The following SPATA31H1 variants were observed in gnomAD, a reference collection of about 807,000 sequenced individuals.
The protein encoded by SPATA31H1 is spermatogenesis-associated protein 31H1.
the SPATA31H1 span, among the ~76,000 whole-genome samples, chr2:27,562,360 A>T: frequency 1.3e-5 from 2 of 151,032 alleles, no homozygotes; most frequent in Non-Finnish European, 3.0e-5. Context: ...TACAAAAAAT[A>T]AAAAAAAATT....
chr2:27,559,726 C>G, the SPATA31H1 span, among the ~76,000 whole-genome samples: 44 of 152,094 alleles, frequency 2.9e-4, no homozygotes, highest in Non-Finnish European at 4.7e-4. Flanking sequence ...TTTATCAATG[C>G]TAGTAAGCCC....
At chr2:27,554,231 T>C in the SPATA31H1 span, among the ~76,000 whole-genome samples, 1 of 152,044 alleles carries the variant, frequency 6.6e-6, no homozygotes, top group African/African-American at 2.4e-5. Flanking sequence ...TCACCCTTAA[T>C]AGTTCATTTA....
the SPATA31H1 span, chr2:27,567,099 T>A: frequency 2.8e-6 from 2 of 710,974 alleles, no homozygotes; most frequent in East Asian, 5.4e-5. Context: ...ACCTCAGAGC[T>A]CTTTTATCAA....
chr2:27,582,240 G>A, the SPATA31H1 span: 19 of 1,613,868 alleles, frequency 1.2e-5, no homozygotes, highest in African/African-American at 2.7e-5. Context: ...CAGTCCCTCC[G>A]GGATGAGGCA....
chr2:27,580,097 A>T, the SPATA31H1 span: 3 of 1,614,192 alleles, frequency 1.9e-6, no homozygotes, highest in Non-Finnish European at 2.5e-6. Context: ...TTGGGAAAAG[A>T]TCCCAAATCT....
the SPATA31H1 span, chr2:27,580,000 ATCT>A: frequency 1.9e-6 from 3 of 1,614,160 alleles, no homozygotes; most frequent in Admixed American, 3.3e-5. Context: ...TCGGGGCCTT[ATCT>A]TCTTATCTAT....
At chr2:27,569,343 A>G in the SPATA31H1 span, 1 of 398,958 alleles carries the variant, frequency 2.5e-6, no homozygotes, top group South Asian at 1.3e-4. Flanking sequence ...GTCAGAATAT[A>G]AAGAAACTGT....
chr2:27,540,537 CA>C, the SPATA31H1 span, among the ~76,000 whole-genome samples: 2 of 137,476 alleles, frequency 1.5e-5, no homozygotes, highest in South Asian at 5.0e-4. Context: ...ACCCCCCCCC[CA>C]CCTCCCTCCC....
At chr2:27,559,285 T>C in the SPATA31H1 span, among the ~76,000 whole-genome samples, 5 of 152,200 alleles carry the variant, frequency 3.3e-5, no homozygotes, top group Non-Finnish European at 5.9e-5. Context: ...CCTGGTTTAT[T>C]TCAGGTTTAT....
the SPATA31H1 span, chr2:27,576,996 C>G: frequency 1.9e-6 from 3 of 1,614,050 alleles, no homozygotes; most frequent in South Asian, 3.3e-5. Context: ...GCCAAAGTAT[C>G]AAATCCCTAA....
chr2:27,566,153 C>A, the SPATA31H1 span: 1 of 716,994 alleles, frequency 1.4e-6, no homozygotes, highest in Non-Finnish European at 2.6e-6. Flanking sequence ...GAAAGTTAGA[C>A]GTAAAGTACC....
At chr2:27,572,630 T>C in the SPATA31H1 span, 1 of 397,718 alleles carries the variant, frequency 2.5e-6, no homozygotes. Context: ...GTGTGAAAAC[T>C]GTGGAGTTAA....
chr2:27,544,577 C>A, the SPATA31H1 span, among the ~76,000 whole-genome samples: 2 of 148,462 alleles, frequency 1.3e-5, no homozygotes, highest in Non-Finnish European at 3.0e-5. Flanking sequence ...CTCTGTCACC[C>A]AGGCTGGAGT....
the SPATA31H1 span, among the ~76,000 whole-genome samples, chr2:27,547,597 G>T: frequency 1.3e-5 from 2 of 151,998 alleles, no homozygotes; most frequent in Non-Finnish European, 2.9e-5. Context: ...GAATGTATTG[G>T]ATTTATAGTT....
the SPATA31H1 span, chr2:27,572,719 G>A: frequency 2.5e-6 from 1 of 397,580 alleles, no homozygotes; most frequent in Non-Finnish European, 4.4e-6. Context: ...AAAACTATAG[G>A]GTTAAATCTT....
chr2:27,581,600 G>GAGCCATCGCGGTCCCTCAGAGAGA, the SPATA31H1 span: 1 of 1,455,342 alleles, frequency 6.9e-7, no homozygotes, highest in Middle Eastern at 1.8e-4. Flanking sequence ...CCTCCCAGAG[G>GAGCCATCGCGGTCCCTCAGAGAGA]AGCCATCGCG....
chr2:27,549,945 C>T, the SPATA31H1 span, among the ~76,000 whole-genome samples: 1 of 152,086 alleles, frequency 6.6e-6, no homozygotes, highest in East Asian at 1.9e-4. Flanking sequence ...GCATGAGCAA[C>T]CATACCCAGC....
chr2:27,540,406 C>G, the SPATA31H1 span, among the ~76,000 whole-genome samples: 3 of 131,120 alleles, frequency 2.3e-5, no homozygotes, highest in African/African-American at 8.8e-5. Flanking sequence ...GCTGACCCCC[C>G]CACCTCCCTC....
chr2:27,572,310 G>T, the SPATA31H1 span: 1 of 398,482 alleles, frequency 2.5e-6, no homozygotes, highest in Non-Finnish European at 4.4e-6. Flanking sequence ...GTTAAACAAA[G>T]AGCTAGAGCT....
Sources: allele counts gnomAD v4.1 joint callset (sites outside exome capture counted in the v4.1 genomes callset), GRCh38; gene constraint gnomAD v4.1.1; transcripts MANE v1.5; gene names NCBI Gene and HGNC (gene_info 2026-07-23, HGNC 2026-07-21).